The following STKLD1 variants were observed in gnomAD, a reference collection of about 807,000 sequenced individuals.
STKLD1 encodes serine/threonine kinase like domain containing 1.
Under a neutral mutation model 80.4 loss-of-function variants are expected in STKLD1, and 79 were observed. The ratio of observed to expected loss-of-function variants is 0.98; its 90% CI spans 0.82 to 1.19. The LOEUF is 1.19. Among genes scored for constraint, STKLD1 ranks in the 50% most tolerant of loss-of-function variants. STKLD1 has a pLI of 0.00. For missense variants in STKLD1, 841 were observed against 856.0 expected, an observed-to-expected ratio of 0.98 and a Z score of 0.22; for synonymous variants, 393 against 357.6, an observed-to-expected ratio of 1.10 and a Z score of -1.12.
At chr9:133,404,102 C>G (rs1274223864) in intron 16 of STKLD1, 54 bp downstream of exon 16, 4 of 1,503,628 alleles carry the variant, frequency 2.7e-6, no homozygotes, top group Non-Finnish European at 3.6e-6. Context: ...CAAGAATCAG[C>G]CCCCATCAGT....
intron 13 of STKLD1, among the ~76,000 whole-genome samples, chr9:133,402,557 G>A (rs926922323): frequency 2.0e-5 from 3 of 152,382 alleles, no homozygotes; most frequent in Admixed American, 6.5e-5. Flanking sequence ...GCCCCGTCAT[G>A]GTTCCATCCT....
At position 133,383,098 on chromosome 9, in the gene STKLD1, AGTG is replaced by A. The variant is rs1213250770; in HGVS notation, c.175-745_175-743del. Among the ~76,000 whole-genome samples, 290 of 126,734 alleles carry A rather than the reference AGTG, an allele frequency of 2.3e-3. 2 individuals are homozygous for A. Among genetic ancestry groups the A allele is most frequent in the East Asian group, 0.018 (67 of 3,694 alleles). 83.1% of individuals were successfully genotyped at this position (126,734 alleles called of 152,430 possible). ...TTGATGGTGTGATGGTGGTAATGAT[AGTG>A]GTGGTGGTGGTGATGGTGTGATGAT... On this transcript the variant is annotated intron_variant, in intron 2 of 17. Coordinates refer to ENST00000371957, the MANE Select transcript of STKLD1 (RefSeq NM_153710.5).
At chr9:133,387,891 C>T in intron 5 of STKLD1, 1 of 483,726 alleles carries the variant, frequency 2.1e-6, no homozygotes, top group South Asian at 1.5e-5. Context: ...GTCTCCTTCC[C>T]TCAGCCTGCT....
rs2130273540 is a variant in STKLD1, at chr9:133,385,030, A to C, written c.220-587A>C. Among the ~76,000 whole-genome samples, 5 of 152,282 alleles carry C rather than the reference A, an allele frequency of 3.3e-5. No homozygotes were observed. In the South Asian group the frequency reaches 1.0e-3, roughly 32 times the overall value. On this transcript the variant is annotated intron_variant, in intron 3 of 17. Coordinates refer to ENST00000371957, the MANE Select transcript of STKLD1 (RefSeq NM_153710.5). The surrounding 1 kb of genome is among the most constrained non-coding windows in gnomAD (Gnocchi z 4.9). ...TCGGTAACAAATGGGAAGAAAGAGC[A>C]TGGGGCCTGCCCAGAGCCGCACGCC...
intron 1 of STKLD1, among the ~76,000 whole-genome samples, chr9:133,378,295 C>T (rs2130257176): frequency 1.3e-5 from 2 of 152,210 alleles, no homozygotes; most frequent in Non-Finnish European, 2.9e-5. Flanking sequence ...CTCATATCTC[C>T]TCCTCTGGGT....
chr9:133,397,416 C>A, intron 10 of STKLD1, 122 bp downstream of exon 10: 1 of 1,319,410 alleles, frequency 7.6e-7, no homozygotes. Context: ...ACATGCACGA[C>A]CAGTGGGTAG....
chr9:133,400,467 A>C lies in STKLD1; in HGVS notation c.1136A>C (p.His379Pro), dbSNP rs782652495. The C allele has an allele frequency of 6.2e-7, 1 of 1,613,506 alleles. No homozygotes were observed. The highest frequency in any genetic ancestry group is 1.1e-5 in the South Asian group (1 of 91,078). The change falls in exon 12 of 18, where the codon CAT (histidine) becomes CCT (proline). Residue 379 changes from histidine to proline, a missense_variant. By Grantham distance (77) the His-to-Pro change is moderately conservative (BLOSUM62 -2). Coordinates refer to ENST00000371957, the MANE Select transcript of STKLD1 (RefSeq NM_153710.5). ...VEVVVTTMEL[H>P]DRVLDVQLCA... is the part of the protein sequence containing the mutation. ...GTGGTGGTCACGACCATGGAGCTAC[A>C]TGACAGGGTCCTCGATGTCCAGCTG... is the stretch of plus-strand genomic sequence containing the variant.
chr9:133,379,901 G>A (rs2130262183), intron 2 of STKLD1, among the ~76,000 whole-genome samples: 35 of 152,366 alleles, frequency 2.3e-4, no homozygotes, highest in Non-Finnish European at 3.8e-4. Context: ...GTACAGCTCC[G>A]CAGTCTCACC....
chr9:133,388,537 G>A (rs2130282446), intron 5 of STKLD1, among the ~76,000 whole-genome samples: 38 of 152,136 alleles, frequency 2.5e-4, no homozygotes, highest in Non-Finnish European at 5.3e-4. Context: ...GTGAGCCGCC[G>A]CGCCTAGCCA....
chr9:133,391,829 AG>A (rs1181561025), intron 7 of STKLD1, among the ~76,000 whole-genome samples: 1 of 150,102 alleles, frequency 6.7e-6, no homozygotes, highest in Non-Finnish European at 1.5e-5. Flanking sequence ...GAAACACCCA[AG>A]AATGATCAAT....
intron 5 of STKLD1, 111 bp downstream of exon 5, chr9:133,387,659 G>GT (rs782808032): frequency 3.6e-6 from 3 of 839,532 alleles, no homozygotes; most frequent in Admixed American, 1.9e-5. Context: ...GTCCAGCCTT[G>GT]TTTTTTTCTT....
chr9:133,392,920 GTGGATGGATGGA>G (rs1201207028), intron 7 of STKLD1, among the ~76,000 whole-genome samples: 4 of 121,192 alleles, frequency 3.3e-5, no homozygotes, highest in Non-Finnish European at 7.0e-5. Context: ...GGGTGGGTCA[GTGGATGGATGGA>G]TGGATGGATA....
chr9:133,397,069 A>T, intron 9 of STKLD1, 95 bp from the exon 10 acceptor site: 1 of 1,562,612 alleles, frequency 6.4e-7, no homozygotes, highest in Non-Finnish European at 8.7e-7. Context: ...GTCCGCACCA[A>T]TGGGCAGCCC....
At chr9:133,388,449 G>A (rs1039435489) in intron 5 of STKLD1, among the ~76,000 whole-genome samples, 2 of 152,084 alleles carry the variant, frequency 1.3e-5, no homozygotes, top group African/African-American at 4.8e-5. Context: ...GTTTTGCTAT[G>A]TTGCCCAGGC....
chr9:133,387,696 C>T, intron 5 of STKLD1, 148 bp downstream of exon 5: 2 of 715,026 alleles, frequency 2.8e-6, no homozygotes, highest in Non-Finnish European at 5.2e-6. Context: ...GCATTGCACT[C>T]TAGGTAATGT....
In STKLD1 at chr9:133,385,110, T is replaced by C. The variant is rs2130273818; in HGVS notation, c.220-507T>C. ...TCCACAGCCCACTAGGTAGGCCACC[T>C]GCTTTCATGCCCAACCTTCCACCCC... On this transcript the variant is annotated intron_variant, in intron 3 of 17. Transcript: ENST00000371957. This position sits in a 1 kb window ranked among gnomAD's most constrained non-coding sequence, Gnocchi z 4.9. 5.0e-3 allele frequency among the ~76,000 whole-genome samples: 756 copies of C among 152,360 alleles called. 17 individuals are homozygous for C. In the East Asian group the frequency reaches 0.061, roughly 12 times the overall value.
In STKLD1 at chr9:133,389,548, A is replaced by G. The variant is rs2130284310; in HGVS notation, c.419A>G (p.Gln140Arg). 1.9e-6 allele frequency: 3 copies of G among 1,613,462 alleles called. No homozygotes were observed. The highest frequency in any genetic ancestry group is 2.5e-6 in the Non-Finnish European group (3 of 1,179,908). ...CAGTGGATGCAGAATGTGCTGGGCC[A>G]GGTGCTGGACGCGCTGGAATACCTG... ...DSEWMQNVLG[Q>R]VLDALEYLHH... Residue 140 changes from glutamine (Q) to arginine (R), a missense_variant, in exon 6 of 18, where the codon CAG becomes CGG. By Grantham distance (43) the Gln-to-Arg change is conservative. Transcript: ENST00000371957. This position sits in a 1 kb window ranked among gnomAD's most constrained non-coding sequence, Gnocchi z 6.4.
At position 133,400,521 on chromosome 9, in the gene STKLD1, T is replaced by C. The variant is rs373136158; in HGVS notation, c.1190T>C (p.Leu397Pro). ...LCACSLLLHL[L>P]GQALVHHPEA... ...GCCTGCTCCCTGCTGCTGCACCTCC[T>C]GGGCCAAGGTGGGTGCCAAACCAGG... The change falls in exon 12 of 18, where the codon CTG (leucine) becomes CCG (proline). Residue 397 changes from leucine (L) to proline (P), a missense_variant. Physicochemically the swap from Leu to Pro is moderately conservative, Grantham distance 98 (BLOSUM62 -3). Transcript: ENST00000371957. 6.3e-5 allele frequency: 101 copies of C among 1,611,684 alleles called. No individual in the cohort carries two copies. In the East Asian group the frequency reaches 1.6e-3, roughly 25 times the overall value.
At position 133,387,716 on chromosome 9, in the gene STKLD1, T is replaced by A. The variant is rs2130280504; in HGVS notation, c.396+168T>A. 1.6e-4 allele frequency: 113 copies of A among 701,394 alleles called. No individual in the cohort carries two copies. In the African/African-American group the frequency reaches 1.8e-3, roughly 11 times the overall value. The allele number at this position is 701,394 out of a possible 1,614,324, so 43.4% of individuals were successfully genotyped here. On this transcript the variant is annotated intron_variant, in intron 5 of 17. Transcript: ENST00000371957. ...GCACTCTAGGTAATGTGTGCAGATC[T>A]TAAGTGCACAGTTTGATGCACTCAC... is the stretch of plus-strand genomic sequence containing the variant.
Sources: gnomAD v4.1 joint callset for allele counts (sites outside exome capture counted in the v4.1 genomes callset) on GRCh38, gnomAD v4.1.1 for gene constraint, Gnocchi (gnomAD v3.1) non-coding constraint, MANE v1.5 for transcripts, NCBI Gene and HGNC (gene_info 2026-07-23, HGNC 2026-07-21) for gene names.